GALNT17: variants seen among roughly 807,000 people sequenced by gnomAD.
GALNT17 encodes polypeptide N-acetylgalactosaminyltransferase 17, also known as UDP-GalNAc:polypeptide N-acetylgalactosaminyltransferase-like 3.
In GALNT17, 29 loss-of-function variants were observed where a neutral mutation model predicts 63.7. The observed-to-expected ratio is 0.46, with a 90% CI of 0.34 to 0.62. The LOEUF is 0.62. Among genes scored for constraint, GALNT17 ranks in the 20% least tolerant of loss-of-function variants. GALNT17 has a pLI of 0.01. For synonymous variants in GALNT17, 305 were observed against 318.3 expected (o/e 0.96, Z 0.45); for missense variants, 603 against 799.6 (o/e 0.75, Z 2.97).
At chr7:71,500,638 C>T (rs1289534741) in intron 5 of GALNT17, among the ~76,000 whole-genome samples, 3 of 152,208 alleles carry the variant, frequency 2.0e-5, no homozygotes, top group Non-Finnish European at 4.4e-5. Flanking sequence ...TGGCTGTCCT[C>T]CAAGCATCCT....
At chr7:71,500,458 A>G (rs1230065268) in intron 5 of GALNT17, among the ~76,000 whole-genome samples, 1 of 152,116 alleles carries the variant, frequency 6.6e-6, no homozygotes, top group African/African-American at 2.4e-5. Flanking sequence ...GTCTACAAAG[A>G]TGTTCCTTCT....
intron 6 of GALNT17, among the ~76,000 whole-genome samples, chr7:71,576,055 G>A (rs1789532415): frequency 6.6e-6 from 1 of 152,096 alleles, no homozygotes; most frequent in African/African-American, 2.4e-5. Flanking sequence ...ATTCTCCAAG[G>A]ACAGAAGAAA....
Position 71,710,927 on chromosome 7 carries a change from A to G in GALNT17, c.1667A>G (p.Gln556Arg). The G allele has an allele frequency of 6.2e-7, 1 of 1,613,426 alleles. No individual in the cohort carries two copies. Among genetic ancestry groups the G allele is most frequent in the African/African-American group, 1.3e-5 (1 of 75,044 alleles). ...SSLYKRWNFI[Q>R]NGAIMNKGTG... is the part of the protein sequence containing the mutation. ...CTGTACAAGCGCTGGAACTTCATCC[A>G]GGTGAGTGCTGTATGGACAGAGCCA... Residue 556 changes from glutamine (Q) to arginine (R), a missense_variant and splice_region_variant, in exon 10 of 11, where the codon CAG becomes CGG. This residue lies in a region of GALNT17 where 72 missense variants were observed against 76.9 expected (regional missense o/e 0.94). Transcript: ENST00000333538.
intron 6 of GALNT17, among the ~76,000 whole-genome samples, chr7:71,658,642 C>G (rs368266816): frequency 9.2e-5 from 14 of 152,274 alleles, no homozygotes; most frequent in African/African-American, 3.4e-4. Flanking sequence ...AATCCCAGCA[C>G]TTTGGGAGGC....
At chr7:71,566,723 T>A (rs1026901047) in intron 5 of GALNT17, among the ~76,000 whole-genome samples, 4 of 150,792 alleles carry the variant, frequency 2.7e-5, no homozygotes, top group Non-Finnish European at 5.9e-5. Flanking sequence ...GCGTAGGTCA[T>A]CATCACCGTT....
At chr7:71,647,498 G>A (rs1441455561) in intron 6 of GALNT17, among the ~76,000 whole-genome samples, 1 of 152,112 alleles carries the variant, frequency 6.6e-6, no homozygotes, top group Non-Finnish European at 1.5e-5. Context: ...GTCCTCTGTT[G>A]ATACCCTCCA....
At chr7:71,185,562 G>A (rs997531276) in intron 1 of GALNT17, among the ~76,000 whole-genome samples, 11 of 129,906 alleles carry the variant, frequency 8.5e-5, no homozygotes, top group African/African-American at 3.3e-4. Flanking sequence ...TGGCTCTGTC[G>A]CCCAGGCTGG....
At chr7:71,152,386 G>T (rs956666125) in intron 1 of GALNT17, among the ~76,000 whole-genome samples, 32 of 152,096 alleles carry the variant, frequency 2.1e-4, no homozygotes, top group Admixed American at 1.2e-3. Flanking sequence ...AAAGGGTCTT[G>T]TATATGCAGA....
chr7:71,356,849 T>G (rs187825406), intron 2 of GALNT17, among the ~76,000 whole-genome samples: 37 of 152,320 alleles, frequency 2.4e-4, no homozygotes, highest in African/African-American at 8.4e-4. Flanking sequence ...TGGCACCATC[T>G]TGAGTCACTG....
At chr7:71,355,714 G>T (rs767569261) in intron 2 of GALNT17, among the ~76,000 whole-genome samples, 1 of 151,912 alleles carries the variant, frequency 6.6e-6, no homozygotes, top group Non-Finnish European at 1.5e-5. Context: ...TGTGTTTTTG[G>T]TAGAGACAGA....
chr7:71,230,571 G>A (rs544298686), intron 1 of GALNT17, among the ~76,000 whole-genome samples: 56 of 152,288 alleles, frequency 3.7e-4, no homozygotes, highest in East Asian at 2.9e-3. Flanking sequence ...AGAGGAGGCC[G>A]GCATGGTGAG....
At chr7:71,161,117 A>G (rs1788334633) in intron 1 of GALNT17, among the ~76,000 whole-genome samples, 1 of 152,092 alleles carries the variant, frequency 6.6e-6, no homozygotes, top group African/African-American at 2.4e-5. Context: ...GAGCCACTAC[A>G]CTTGGCCTTA....
At chr7:71,433,107 A>G (rs995245516) in intron 5 of GALNT17, among the ~76,000 whole-genome samples, 2 of 152,132 alleles carry the variant, frequency 1.3e-5, no homozygotes, top group Admixed American at 1.3e-4. Context: ...GCCTGGCCCC[A>G]TCTCTATTCT....
At chr7:71,194,782 CT>C (rs1789015362) in intron 1 of GALNT17, among the ~76,000 whole-genome samples, 2 of 152,208 alleles carry the variant, frequency 1.3e-5, no homozygotes, top group African/African-American at 4.8e-5. Flanking sequence ...TGGTTACTCC[CT>C]TTAATTAAAG....
At chr7:71,587,009 C>G (rs1170102264) in intron 6 of GALNT17, among the ~76,000 whole-genome samples, 1 of 152,064 alleles carries the variant, frequency 6.6e-6, no homozygotes, top group Admixed American at 6.6e-5. Flanking sequence ...TTCCTCCTTT[C>G]TCCTCTCTAC....
At chr7:71,370,269 A>G (rs34078245) in intron 2 of GALNT17, among the ~76,000 whole-genome samples, 10,049 of 152,244 alleles carry the variant, frequency 0.066, 466 homozygotes, top group Admixed American at 0.11. Flanking sequence ...CTGTTCACCA[A>G]CAGAGGAAAG....
At chr7:71,305,760 G>C (rs1791279382) in intron 1 of GALNT17, among the ~76,000 whole-genome samples, 1 of 152,088 alleles carries the variant, frequency 6.6e-6, no homozygotes, top group South Asian at 2.1e-4. Flanking sequence ...TGAACCTTTT[G>C]GATTCGAAGA....
intron 1 of GALNT17, among the ~76,000 whole-genome samples, chr7:71,142,177 G>T (rs1392755261): frequency 1.3e-5 from 2 of 152,122 alleles, no homozygotes; most frequent in Admixed American, 1.3e-4. Context: ...GCCCTCAGGA[G>T]ATATTTCTTG....
At chr7:71,488,062 C>T (rs376652330) in intron 5 of GALNT17, among the ~76,000 whole-genome samples, 2 of 151,158 alleles carry the variant, frequency 1.3e-5, no homozygotes, top group African/African-American at 2.4e-5. Context: ...CCCAGCTACT[C>T]GGGAGACCAA....
Sources: gnomAD v4.1 joint callset for allele counts (sites outside exome capture counted in the v4.1 genomes callset) on GRCh38, gnomAD v4.1.1 for gene constraint, gnomAD v4.1.1 regional missense constraint, MANE v1.5 for transcripts, NCBI Gene and HGNC (gene_info 2026-07-23, HGNC 2026-07-21) for gene names.